The following CSMD1 variants were observed in gnomAD, a reference collection of about 807,000 sequenced individuals.
CSMD1 encodes the protein CUB and Sushi multiple domains 1, also known as CUB and sushi domain-containing protein 1.
CSMD1 carries 213 observed loss-of-function variants against 417.5 expected under a neutral mutation model. The ratio of observed to expected loss-of-function variants is 0.51; its 90% CI spans 0.46 to 0.57. The LOEUF is 0.57. Ranked by LOEUF, CSMD1 falls within the 20% of genes least tolerant of loss-of-function variation. The pLI, the probability that CSMD1 is intolerant of heterozygous loss-of-function variation, is 0.00. For missense variants in CSMD1, 6,923 were observed against 4,529.7 expected (o/e 1.53, Z -15.17); for synonymous variants, 2,862 against 1,736.8 (o/e 1.65, Z -16.11).
intron 3 of CSMD1, among the ~76,000 whole-genome samples, chr8:4,115,722 A>G (rs925599203): frequency 6.6e-6 from 1 of 152,166 alleles, no homozygotes; most frequent in Non-Finnish European, 1.5e-5. Flanking sequence ...ACTGTGGGAC[A>G]TCCTGACAAT....
At chr8:3,343,215 TA>T (rs1807775786) in intron 23 of CSMD1, 78 bp downstream of exon 23, 1 of 1,286,986 alleles carries the variant, frequency 7.8e-7, no homozygotes, top group African/African-American at 1.5e-5. Context: ...AATCAATATT[TA>T]AAACTTAATA....
At chr8:3,663,103 A>G (rs1038133552) in intron 7 of CSMD1, among the ~76,000 whole-genome samples, 1 of 152,304 alleles carries the variant, frequency 6.6e-6, no homozygotes, top group East Asian at 1.9e-4. Context: ...ACTGCCCGCA[A>G]TGAAGACCTG....
chr8:3,182,278 G>A (rs891498659), intron 36 of CSMD1, among the ~76,000 whole-genome samples: 7 of 152,186 alleles, frequency 4.6e-5, no homozygotes, highest in Non-Finnish European at 7.4e-5. Flanking sequence ...ATGGAGTCTC[G>A]CTCTGTCACC....
At chr8:4,811,395 T>A (rs1029114540) in intron 1 of CSMD1, among the ~76,000 whole-genome samples, 37 of 152,246 alleles carry the variant, frequency 2.4e-4, no homozygotes, top group Non-Finnish European at 3.7e-4. Context: ...TAGTTTTTTT[T>A]AAGTAATGTA....
At chr8:4,106,094 G>T (rs146037158) in intron 3 of CSMD1, among the ~76,000 whole-genome samples, 13 of 152,302 alleles carry the variant, frequency 8.5e-5, no homozygotes, top group Admixed American at 3.3e-4. Context: ...AGTCTCTGAG[G>T]CAGGACAACC....
intron 3 of CSMD1, among the ~76,000 whole-genome samples, chr8:4,280,651 G>C (rs1387927446): frequency 1.3e-5 from 2 of 152,190 alleles, no homozygotes; most frequent in Non-Finnish European, 1.5e-5. Flanking sequence ...TTTAAGGCTT[G>C]TGTGAATCAG....
At chr8:3,232,798 CTAAT>C (rs1798918712) in intron 26 of CSMD1, among the ~76,000 whole-genome samples, 1 of 151,944 alleles carries the variant, frequency 6.6e-6, no homozygotes, top group South Asian at 2.1e-4. Context: ...TGCTTTCATA[CTAAT>C]TAATTTTTTC....
chr8:3,828,188 A>T (rs1009015713), intron 5 of CSMD1, among the ~76,000 whole-genome samples: 1 of 152,154 alleles, frequency 6.6e-6, no homozygotes, highest in Non-Finnish European at 1.5e-5. Context: ...TTTAACCAGT[A>T]TGCAATCCTT....
chr8:3,188,104 A>G (rs888680497), intron 35 of CSMD1, 139 bp from the exon 36 acceptor site: 8 of 283,240 alleles, frequency 2.8e-5, no homozygotes, highest in Admixed American at 4.9e-5. Flanking sequence ...ATATATACAT[A>G]TACACCTTAA....
chr8:3,016,588 T>C (rs17079062), intron 52 of CSMD1, among the ~76,000 whole-genome samples: 5,475 of 152,348 alleles, frequency 0.036, 133 homozygotes, highest in African/African-American at 0.073. Context: ...AATGAATTAC[T>C]CATGGTTTAC....
chr8:4,086,512 G>GTGAC (rs1563105704), intron 3 of CSMD1, among the ~76,000 whole-genome samples: 1 of 152,138 alleles, frequency 6.6e-6, no homozygotes, highest in Non-Finnish European at 1.5e-5. Flanking sequence ...CATTACAAAA[G>GTGAC]TGACTGGTCA....
intron 3 of CSMD1, among the ~76,000 whole-genome samples, chr8:4,367,377 G>A (rs1802139550): frequency 6.6e-6 from 1 of 152,028 alleles, no homozygotes; most frequent in South Asian, 2.1e-4. Context: ...GTAGGTGTAT[G>A]GCTTTATTTC....
chr8:3,087,170 G>A lies in CSMD1; in HGVS notation c.7401C>T (p.Gly2467=). 1 of 1,613,912 alleles carries A rather than the reference G, an allele frequency of 6.2e-7. No homozygotes were observed. Among genetic ancestry groups the A allele is most frequent in the Non-Finnish European group, 8.5e-7 (1 of 1,179,890 alleles). The change falls in exon 49 of 70, where the codon GGC becomes GGT. Residue 2467 remains glycine (G), a synonymous_variant. Coordinates refer to ENST00000635120, the MANE Select transcript of CSMD1 (RefSeq NM_033225.6). The part of the protein sequence containing the change: ...YFCKPGYRMV[G]HSNATCRRNP... ...TTCGTCTACAGGTTGCATTGCTGTGGCCGACCATTCGGTATCCAGGCTTGC... is the reference window on the plus strand; with the variant it reads ...TTCGTCTACAGGTTGCATTGCTGTGACCGACCATTCGGTATCCAGGCTTGC...
At chr8:4,373,624 A>C (rs1259557148) in intron 3 of CSMD1, among the ~76,000 whole-genome samples, 1 of 152,224 alleles carries the variant, frequency 6.6e-6, no homozygotes, top group Non-Finnish European at 1.5e-5. Flanking sequence ...AACATAACTG[A>C]AATTTCTTTT....
intron 33 of CSMD1, among the ~76,000 whole-genome samples, chr8:3,193,856 C>T (rs1337148299): frequency 6.6e-6 from 1 of 152,178 alleles, no homozygotes; most frequent in African/African-American, 2.4e-5. Flanking sequence ...GATGATCACC[C>T]TTCAACACCA....
In CSMD1 at chr8:4,077,496, C is replaced by T. The variant is rs553071162; in HGVS notation, c.416-45397G>A. 4.6e-5 allele frequency among the ~76,000 whole-genome samples: 7 copies of T among 151,936 alleles called. No homozygotes were observed. The East Asian group carries it at 1.4e-3, about 29-fold the overall frequency. On this transcript the variant is annotated intron_variant, in intron 3 of 69. Transcript: ENST00000635120. ...CTAGTTGAGGCTTCACCTCAGTTTA[C>T]TTGCATTGTTTAACTTTTTTACCAT... is the stretch of plus-strand genomic sequence containing the variant.
intron 3 of CSMD1, among the ~76,000 whole-genome samples, chr8:4,066,950 C>T (rs1050119731): frequency 1.6e-4 from 25 of 152,176 alleles, no homozygotes; most frequent in Non-Finnish European, 4.4e-5. Flanking sequence ...GTGTAAATAC[C>T]CTCAGGGTGG....
chr8:3,259,142 G>C (rs997066793), intron 26 of CSMD1, among the ~76,000 whole-genome samples: 1 of 152,098 alleles, frequency 6.6e-6, no homozygotes, highest in Non-Finnish European at 1.5e-5. Flanking sequence ...CAAGGGCTAG[G>C]GCCATATTGA....
At chr8:4,638,615 G>T (rs1021570181) in intron 1 of CSMD1, among the ~76,000 whole-genome samples, 1 of 152,130 alleles carries the variant, frequency 6.6e-6, no homozygotes, top group Non-Finnish European at 1.5e-5. Context: ...TAAAGAAAAG[G>T]CTCAGAGTTC....
Sources: gnomAD v4.1 joint callset for allele counts (sites outside exome capture counted in the v4.1 genomes callset) on GRCh38, gnomAD v4.1.1 for gene constraint, MANE v1.5 for transcripts, NCBI Gene and HGNC (gene_info 2026-07-23, HGNC 2026-07-21) for gene names.